The following PLCH1 variants were observed in gnomAD, a reference collection of about 807,000 sequenced individuals.
PLCH1 encodes the protein phospholipase C eta 1, also known as 1-phosphatidylinositol 4,5-bisphosphate phosphodiesterase eta-1.
A neutral mutation model predicts 126.7 loss-of-function variants in PLCH1; 60 were observed. That is an observed-to-expected ratio of 0.47 (90% CI 0.38 to 0.59). The LOEUF (loss-of-function observed/expected upper bound fraction) is 0.59, where lower values mean the gene tolerates loss of function less well. PLCH1 is among the 20% of genes least tolerant of loss of function. The pLI is 0.00. For synonymous variants in PLCH1, 719 were observed against 734.9 expected (o/e 0.98, Z 0.35); for missense variants, 1,723 against 2,040.0 (o/e 0.84, Z 2.99).
intron 10 of PLCH1, among the ~76,000 whole-genome samples, chr3:155,524,883 A>G (rs1339218771): frequency 6.6e-6 from 1 of 152,104 alleles, no homozygotes; most frequent in Non-Finnish European, 1.5e-5. Flanking sequence ...TAGGCATGGT[A>G]GCATGTGCCT....
chr3:155,687,802 T>C (rs1745072926), intron 2 of PLCH1, among the ~76,000 whole-genome samples: 3 of 152,234 alleles, frequency 2.0e-5, no homozygotes, highest in Non-Finnish European at 4.4e-5. Flanking sequence ...ATTATTTTTC[T>C]GGCAGATACA....
At chr3:155,483,271 T>C in intron 22 of PLCH1, 2 of 1,027,638 alleles carry the variant, frequency 1.9e-6, no homozygotes, top group Non-Finnish European at 1.4e-6. Flanking sequence ...TTTGAATATC[T>C]ATTACATCTG....
At chr3:155,701,447 G>GA (rs1746266250) in intron 2 of PLCH1, among the ~76,000 whole-genome samples, 3 of 152,168 alleles carry the variant, frequency 2.0e-5, no homozygotes, top group Non-Finnish European at 4.4e-5. Context: ...TGTAGAAAGA[G>GA]ACCCTGGCTG....
rs151268129 is a variant in PLCH1, at chr3:155,595,721, T to C, written c.226+511A>G. 3.0e-3 allele frequency among the ~76,000 whole-genome samples: 453 copies of C among 152,322 alleles called. 2 individuals carry two copies. Among genetic ancestry groups the C allele is most frequent in the South Asian group, 0.019 (94 of 4,822 alleles). ...TCTCTCATACATCTATGTATCTATC[T>C]ATCTATCTATCTATCCTATTGATTG... On this transcript the variant is annotated intron_variant, in intron 3 of 22. Transcript: ENST00000460012.
intron 18 of PLCH1, among the ~76,000 whole-genome samples, chr3:155,492,399 A>G (rs1215090001): frequency 6.6e-6 from 1 of 152,224 alleles, no homozygotes; most frequent in East Asian, 1.9e-4. Flanking sequence ...TTATATTATT[A>G]ACGGAACATT....
At chr3:155,488,848 T>G (rs770379850) in intron 19 of PLCH1, 42 bp from the exon 20 acceptor site, 1 of 1,569,258 alleles carries the variant, frequency 6.4e-7, no homozygotes, top group South Asian at 1.2e-5. Flanking sequence ...AGCAAAGGAC[T>G]TGGCTGAAAA....
chr3:155,499,172 G>A (rs1425484673), intron 14 of PLCH1, among the ~76,000 whole-genome samples: 12 of 152,120 alleles, frequency 7.9e-5, no homozygotes, highest in Admixed American at 6.5e-4. Context: ...CAACAATGTT[G>A]AGCACATTTT....
At chr3:155,736,089 A>C (rs1003235574) in intron 1 of PLCH1, among the ~76,000 whole-genome samples, 2 of 152,382 alleles carry the variant, frequency 1.3e-5, no homozygotes, top group African/African-American at 4.8e-5. Flanking sequence ...TTAGTTCACC[A>C]GATCGGAAGT....
chr3:155,610,814 C>A (rs1016635608), intron 2 of PLCH1, among the ~76,000 whole-genome samples: 14 of 151,312 alleles, frequency 9.3e-5, no homozygotes, highest in African/African-American at 2.9e-4. Flanking sequence ...TAAAAAAAAA[C>A]ACAAGGAATT....
intron 2 of PLCH1, among the ~76,000 whole-genome samples, chr3:155,618,484 A>G (rs1042092078): frequency 2.6e-5 from 4 of 152,214 alleles, no homozygotes; most frequent in Non-Finnish European, 5.9e-5. Context: ...ATAGACTGTT[A>G]AAGAATGGAG....
At chr3:155,683,134 G>C (rs1182234296) in intron 2 of PLCH1, among the ~76,000 whole-genome samples, 1 of 152,136 alleles carries the variant, frequency 6.6e-6, no homozygotes, top group Non-Finnish European at 1.5e-5. Flanking sequence ...AAAACAAACT[G>C]AGTATAACCC....
intron 10 of PLCH1, among the ~76,000 whole-genome samples, chr3:155,544,746 C>T (rs1293581770): frequency 6.6e-6 from 1 of 151,678 alleles, no homozygotes; most frequent in Admixed American, 6.6e-5. Flanking sequence ...CTCAAAACCA[C>T]TCAACTACAT....
At chr3:155,664,187 G>A (rs1171270659) in intron 2 of PLCH1, among the ~76,000 whole-genome samples, 4 of 152,194 alleles carry the variant, frequency 2.6e-5, no homozygotes, top group Admixed American at 6.5e-5. Flanking sequence ...TGAACTCAGG[G>A]TGCCTGATTA....
At chr3:155,513,484 G>A (rs989920622) in intron 12 of PLCH1, among the ~76,000 whole-genome samples, 12 of 152,206 alleles carry the variant, frequency 7.9e-5, no homozygotes, top group East Asian at 1.9e-4. Flanking sequence ...TTCTCCAAAC[G>A]CATAAGGGAA....
chr3:155,646,482 A>C (rs1740078005), intron 2 of PLCH1, among the ~76,000 whole-genome samples: 1 of 152,150 alleles, frequency 6.6e-6, no homozygotes, highest in African/African-American at 2.4e-5. Context: ...GTGCAACTCC[A>C]GCCTCCTCAT....
rs1560096323 is a variant in PLCH1 at position 155,514,798 on chromosome 3, T to C, written c.1557A>G (p.Lys519=). ...GCACTGTGAAACTATCAGGATCTTC[T>C]TTATCTCGAATTTGAGATTCTTTTA... ...SLLKESQIRD[K]EDPDSFTVRA... is the part of the protein sequence containing the mutation. Residue 519 remains lysine, a synonymous_variant, in exon 12 of 23, where the codon AAA becomes AAG. Coordinates refer to ENST00000460012, the MANE Select transcript of PLCH1 (RefSeq NM_014996.4). 6.2e-7 allele frequency: 1 copy of C among 1,613,462 alleles called. No homozygotes were observed.
At chr3:155,646,039 G>C (rs1448729177) in intron 2 of PLCH1, among the ~76,000 whole-genome samples, 1 of 152,068 alleles carries the variant, frequency 6.6e-6, no homozygotes, top group Non-Finnish European at 1.5e-5. Context: ...CCAGGTTTGA[G>C]AGACTGATAA....
intron 21 of PLCH1, among the ~76,000 whole-genome samples, chr3:155,451,165 AAATT>A (rs1712300016): frequency 6.6e-6 from 1 of 152,178 alleles, no homozygotes; most frequent in Admixed American, 6.5e-5. Context: ...AAGAGAATTC[AAATT>A]AATAAATATA....
At chr3:155,556,964 C>G (rs532727456) in intron 8 of PLCH1, among the ~76,000 whole-genome samples, 12 of 152,124 alleles carry the variant, frequency 7.9e-5, no homozygotes, top group African/African-American at 2.7e-4. Context: ...ACTGGCTGTT[C>G]AAATATCCCT....
Sources: gnomAD v4.1 joint callset for allele counts (sites outside exome capture counted in the v4.1 genomes callset) on GRCh38, gnomAD v4.1.1 for gene constraint, MANE v1.5 for transcripts, NCBI Gene and HGNC (gene_info 2026-07-23, HGNC 2026-07-21) for gene names.